The following CCDC85A variants were observed in gnomAD, a reference collection of about 807,000 sequenced individuals.
CCDC85A encodes coiled-coil domain-containing protein 85A.
A neutral mutation model predicts 50.2 loss-of-function variants in CCDC85A; 38 were observed. That is an observed-to-expected ratio of 0.76 (90% CI 0.58 to 0.99). The LOEUF is 0.99. CCDC85A is among the 50% of genes least tolerant of loss of function. The pLI is 0.00. For synonymous variants in CCDC85A, 366 were observed against 301.4 expected (o/e 1.21, Z -2.22); for missense variants, 820 against 742.0 (o/e 1.11, Z -1.22).
At chr2:56,356,908 A>G (rs537481195) in intron 3 of CCDC85A, among the ~76,000 whole-genome samples, 7 of 151,498 alleles carry the variant, frequency 4.6e-5, no homozygotes, top group African/African-American at 1.7e-4. Context: ...TCTCTACTAA[A>G]AAAACCAAAA....
chr2:56,335,934 C>G (rs1045702429), intron 2 of CCDC85A, among the ~76,000 whole-genome samples: 1 of 152,076 alleles, frequency 6.6e-6, no homozygotes, highest in Non-Finnish European at 1.5e-5. Context: ...CCAATCCCAC[C>G]CATGAGGGTG....
At chr2:56,379,989 AT>A (rs1676509621) in intron 5 of CCDC85A, 1 of 159,974 alleles carries the variant, frequency 6.3e-6, no homozygotes, top group Non-Finnish European at 1.3e-5. Flanking sequence ...CCTTGTTTTT[AT>A]TTTCAGTATA....
At position 56,312,888 on chromosome 2, in the gene CCDC85A, A is replaced by G. The variant is rs1672760091; in HGVS notation, c.1241-29991A>G. Reference sequence around the variant, plus strand: ...TGATTTGATATATTTGTAGTTTTATATATCAAGGATAGACTTGTTAGTCTG... The same window carrying G: ...TGATTTGATATATTTGTAGTTTTATGTATCAAGGATAGACTTGTTAGTCTG... On this transcript the variant is annotated intron_variant, in intron 2 of 5. Transcript: ENST00000407595. Among the ~76,000 whole-genome samples the G allele has an allele frequency of 2.6e-5, 4 of 152,298 alleles. No individual in the cohort carries two copies. In the South Asian group the frequency reaches 8.3e-4, roughly 32 times the overall value.
At chr2:56,352,637 C>T (rs1286726507) in intron 3 of CCDC85A, among the ~76,000 whole-genome samples, 1 of 152,278 alleles carries the variant, frequency 6.6e-6, no homozygotes, top group Non-Finnish European at 1.5e-5. Flanking sequence ...TGAGCCACTG[C>T]CCCTGGCAAG....
In CCDC85A at chr2:56,380,912, A is replaced by C. The variant is rs188365402; in HGVS notation, c.1573-3354A>C. 1.0e-3 allele frequency among the ~76,000 whole-genome samples: 157 copies of C among 152,280 alleles called. 1 individual carries two copies. In the South Asian group the frequency reaches 0.012, roughly 11 times the overall value. ...GCTTTACATTATGCTTTATCCTCAT[A>C]TTCTTTTCTCTATCCTATCAGGATG... On this transcript the variant is annotated intron_variant, in intron 5 of 5. Coordinates refer to ENST00000407595, the MANE Select transcript of CCDC85A (RefSeq NM_001080433.2).
intron 3 of CCDC85A, among the ~76,000 whole-genome samples, chr2:56,353,469 C>T (rs1420030615): frequency 1.3e-5 from 2 of 152,238 alleles, no homozygotes; most frequent in Admixed American, 6.5e-5. Context: ...TGGTTCCTTT[C>T]AGCTCTGAAC....
rs536553153 is a variant in CCDC85A, at chr2:56,234,474, A to G, written c.1240+41034A>G. On this transcript the variant is annotated intron_variant, in intron 2 of 5. Transcript: ENST00000407595. ...TCAGCAGCTGCTCTTGTCACTTCAA[A>G]ATGTCTTGGCTGCAATTATCTTTAT... Among the ~76,000 whole-genome samples the G allele has an allele frequency of 5.3e-5, 8 of 152,212 alleles. No individual in the cohort carries two copies. The South Asian group carries it at 1.7e-3, about 32-fold the overall frequency.
intron 2 of CCDC85A, among the ~76,000 whole-genome samples, chr2:56,249,583 C>G (rs985038334): frequency 2.6e-5 from 4 of 152,208 alleles, no homozygotes; most frequent in Admixed American, 6.5e-5. Context: ...AGATCAGCTG[C>G]CTTTGCGTAT....
chr2:56,226,133 G>A (rs1210845154), intron 2 of CCDC85A, among the ~76,000 whole-genome samples: 3 of 152,154 alleles, frequency 2.0e-5, no homozygotes, highest in African/African-American at 7.2e-5. Flanking sequence ...AATGAACTGT[G>A]GTTAAGACTC....
In CCDC85A at chr2:56,357,061, A is replaced by AGAGT. The variant is rs1186345833; in HGVS notation, c.1317+14110_1317+14113dup. Among the ~76,000 whole-genome samples the AGAGT allele has an allele frequency of 6.6e-5, 10 of 151,282 alleles. No individual in the cohort carries two copies. In the South Asian group the frequency reaches 1.7e-3, roughly 26 times the overall value. ...ACCACTGCCCTCAAACCTGGGCAGCAGAGTGAGACTCCATCTCAAAAAAAA... is the reference window on the plus strand; with the variant it reads ...ACCACTGCCCTCAAACCTGGGCAGCAGAGTGAGTGAGACTCCATCTCAAAAAAAA... On this transcript the variant is annotated intron_variant, in intron 3 of 5. Transcript: ENST00000407595.
At chr2:56,222,145 C>T (rs1437353624) in intron 2 of CCDC85A, among the ~76,000 whole-genome samples, 4 of 152,008 alleles carry the variant, frequency 2.6e-5, no homozygotes, top group African/African-American at 7.2e-5. Context: ...CTATGGGGGA[C>T]ATATTCTAAC....
intron 2 of CCDC85A, among the ~76,000 whole-genome samples, chr2:56,298,645 T>C (rs913889686): frequency 6.6e-6 from 1 of 152,202 alleles, no homozygotes; most frequent in African/African-American, 2.4e-5. Context: ...TTAAAAACTT[T>C]TTCTAGGATA....
In CCDC85A at chr2:56,385,949, A is replaced by G. The variant is rs1435241182; in HGVS notation, c.*1594A>G. The G allele has an allele frequency of 6.6e-6, 1 of 152,120 alleles. No homozygotes were observed. Among genetic ancestry groups the G allele is most frequent in the Non-Finnish European group, 1.5e-5 (1 of 67,798 alleles). The allele number at this position is 152,120 out of a possible 1,614,324, so 9.4% of individuals were successfully genotyped here. A position where few individuals can be genotyped will look rare whatever the true frequency, so the allele number is the denominator to read the frequency against. On this transcript the variant is annotated 3_prime_UTR_variant, in exon 6 of 6. Coordinates refer to ENST00000407595, the MANE Select transcript of CCDC85A (RefSeq NM_001080433.2). ...CACCTTCTTTCCTAGGAAAGCTTTC[A>G]TCCTTAAATTGTTGTATTCCTACCC...
rs561212242 is a variant in CCDC85A, at chr2:56,295,119, C to G, written c.1241-47760C>G. Among the ~76,000 whole-genome samples, 37 of 148,724 alleles carry G rather than the reference C, an allele frequency of 2.5e-4. 1 individual carries two copies. In the South Asian group the frequency reaches 7.9e-3, roughly 32 times the overall value. On this transcript the variant is annotated intron_variant, in intron 2 of 5. Coordinates refer to ENST00000407595, the MANE Select transcript of CCDC85A (RefSeq NM_001080433.2). Reference sequence around the variant, plus strand: ...TGTGCTTAGATTTTCACTGAATGGACCAGTTGTTTTGGATTTTTTTTTAAT... The same window carrying G: ...TGTGCTTAGATTTTCACTGAATGGAGCAGTTGTTTTGGATTTTTTTTTAAT...
Position 56,384,307 on chromosome 2 carries a change from T to A in CCDC85A, c.1614T>A (p.Pro538=), listed in dbSNP as rs1558669820. Residue 538 remains proline, a synonymous_variant, in exon 6 of 6, where the codon CCT becomes CCA. Transcript: ENST00000407595. ...TTGGAGATGCTGCAGGTTCGTGTCC[T>A]GGAATTAGGCAACATTTGTCAGGAA... ...RKLGDAAGSC[P]GIRQHLSGNQ... is the part of the protein sequence containing the mutation. 1.2e-6 allele frequency: 2 copies of A among 1,611,494 alleles called. No homozygotes were observed. Among genetic ancestry groups the A allele is most frequent in the Non-Finnish European group, 1.7e-6 (2 of 1,178,210 alleles).
At chr2:56,339,747 T>A (rs1210175672) in intron 2 of CCDC85A, among the ~76,000 whole-genome samples, 1 of 152,182 alleles carries the variant, frequency 6.6e-6, no homozygotes, top group Non-Finnish European at 1.5e-5. Flanking sequence ...TCAAGTGGTT[T>A]TTTTTTTCCA....
chr2:56,282,586 C>A (rs1241847755), intron 2 of CCDC85A, among the ~76,000 whole-genome samples: 1 of 152,074 alleles, frequency 6.6e-6, no homozygotes, highest in Non-Finnish European at 1.5e-5. Flanking sequence ...CTCGGCTCAC[C>A]GCAACCTCCG....
intron 1 of CCDC85A, among the ~76,000 whole-genome samples, chr2:56,190,829 C>T (rs1404361834): frequency 6.6e-6 from 1 of 152,198 alleles, no homozygotes; most frequent in Non-Finnish European, 1.5e-5. Flanking sequence ...ACCCTCCCTT[C>T]TTTCCTCCCC....
At chr2:56,285,061 T>C (rs1671370417) in intron 2 of CCDC85A, among the ~76,000 whole-genome samples, 1 of 152,198 alleles carries the variant, frequency 6.6e-6, no homozygotes, top group African/African-American at 2.4e-5. Flanking sequence ...TGGCAGTGTC[T>C]GCTTTTTGAA....
Sources: gnomAD v4.1 joint callset for allele counts (sites outside exome capture counted in the v4.1 genomes callset) on GRCh38, gnomAD v4.1.1 for gene constraint, MANE v1.5 for transcripts, NCBI Gene and HGNC (gene_info 2026-07-23, HGNC 2026-07-21) for gene names.